Variants in PVT1 observed in about 807,000 individuals in gnomAD.
PVT1 encodes the protein CXCR4/PVT1 fusion.
At chr8:127,858,488 T>C (rs1815184989) in intron 2 of PVT1, among the ~76,000 whole-genome samples, 1 of 151,990 alleles carries the variant, frequency 6.6e-6, no homozygotes, top group Admixed American at 6.6e-5. Context: ...ATAGGTTACC[T>C]TCTGCAGAAT....
intron 4 of PVT1, among the ~76,000 whole-genome samples, chr8:128,058,543 G>A (rs761644346): frequency 7.2e-5 from 11 of 152,078 alleles, no homozygotes; most frequent in Non-Finnish European, 1.5e-4. Context: ...AGACTTCACC[G>A]TTGTTCAGAC....
At chr8:127,919,181 A>T (rs371011099) in intron 3 of PVT1, among the ~76,000 whole-genome samples, 7 of 152,030 alleles carry the variant, frequency 4.6e-5, no homozygotes, top group African/African-American at 1.7e-4. Flanking sequence ...TGGCTTGTTT[A>T]TTTTCTAATG....
chr8:127,799,160 G>A (rs2130186674), intron 2 of PVT1, among the ~76,000 whole-genome samples: 1 of 150,446 alleles, frequency 6.6e-6, no homozygotes, highest in Admixed American at 6.6e-5. Flanking sequence ...ATATTGTTTT[G>A]TTTATCTGCC....
At chr8:128,037,152 G>A (rs990973126) in intron 4 of PVT1, among the ~76,000 whole-genome samples, 3 of 152,208 alleles carry the variant, frequency 2.0e-5, no homozygotes, top group Admixed American at 6.5e-5. Flanking sequence ...CAGCACTTCT[G>A]GGGAAGTTGG....
At chr8:127,937,580 C>CACAGAGAGAG (rs59006608) in intron 3 of PVT1, among the ~76,000 whole-genome samples, 6 of 107,794 alleles carry the variant, frequency 5.6e-5, no homozygotes, top group Non-Finnish European at 1.1e-4. Flanking sequence ...CACACACACA[C>CACAGAGAGAG]AGAGAGAGAG....
chr8:128,034,072 T>C lies in PVT1; in HGVS notation n.913-36088T>C, dbSNP rs1259420953. Among the ~76,000 whole-genome samples, 2 of 151,948 alleles carry C rather than the reference T, an allele frequency of 1.3e-5. 1 individual carries two copies. The highest frequency in any genetic ancestry group is 4.1e-4 in the South Asian group (2 of 4,822). ...TCTGCACTTCTGCACCTTTTTTTTT[T>C]TTTTTGGCCCTGACCTTTGGCCTAA... On this transcript the variant is annotated intron_variant and non_coding_transcript_variant, in intron 4 of 10. Coordinates refer to ENST00000651587, the Ensembl canonical transcript of PVT1.
chr8:128,013,453 T>G (rs997054248), intron 4 of PVT1, among the ~76,000 whole-genome samples: 2 of 152,210 alleles, frequency 1.3e-5, no homozygotes, highest in Non-Finnish European at 2.9e-5. Context: ...ACTTTCTATT[T>G]CTATTATGGA....
chr8:128,050,781 A>C (rs1477241441), intron 4 of PVT1, among the ~76,000 whole-genome samples: 1 of 152,230 alleles, frequency 6.6e-6, no homozygotes, highest in African/African-American at 2.4e-5. Context: ...TTGACTTGTC[A>C]GATAAATGAA....
Position 127,881,435 on chromosome 8 carries a change from ATATTAT to A in PVT1, n.373-9128_373-9123del, listed in dbSNP as rs79735415. Among the ~76,000 whole-genome samples the A allele has an allele frequency of 4.2e-4, 42 of 100,840 alleles. No individual in the cohort carries two copies. The South Asian group carries it at 4.5e-3, about 11-fold the overall frequency. The allele number at this position is 100,840 out of a possible 152,430, so 66.2% of individuals were successfully genotyped here. On this transcript the variant is annotated intron_variant and non_coding_transcript_variant, in intron 2 of 10. Transcript: ENST00000651587. ...TATTATTATTAATATTATTGTTATT[ATATTAT>A]TATTATTATTATTATTATTATTATT...
intron 4 of PVT1, among the ~76,000 whole-genome samples, chr8:128,033,453 G>A (rs1813423069): frequency 6.6e-6 from 1 of 152,212 alleles, no homozygotes; most frequent in Admixed American, 6.5e-5. Flanking sequence ...AGCTTTAGGA[G>A]AGAGAAATTG....
At chr8:128,097,619 A>G (rs973284337) in intron 6 of PVT1, among the ~76,000 whole-genome samples, 1 of 152,160 alleles carries the variant, frequency 6.6e-6, no homozygotes, top group African/African-American at 2.4e-5. Flanking sequence ...TCAACCACAC[A>G]GACTCATTTC....
intron 2 of PVT1, chr8:127,796,200 T>C (rs1400829126): frequency 6.3e-6 from 1 of 159,024 alleles, no homozygotes; most frequent in Non-Finnish European, 1.5e-5. Flanking sequence ...TGCAGAATTT[T>C]TGCATAAACG....
chr8:128,068,045 C>G (rs191628588), intron 4 of PVT1, among the ~76,000 whole-genome samples: 1 of 151,396 alleles, frequency 6.6e-6, no homozygotes, highest in East Asian at 2.0e-4. Flanking sequence ...GAGCCATCAT[C>G]TCACCCAATT....
At chr8:127,833,926 TC>T (rs1586398977) in intron 2 of PVT1, among the ~76,000 whole-genome samples, 1 of 152,276 alleles carries the variant, frequency 6.6e-6, no homozygotes, top group East Asian at 1.9e-4. Context: ...GCTGGACCCC[TC>T]CCTAGAGACT....
chr8:128,074,716 G>A (rs564019601), intron 5 of PVT1, among the ~76,000 whole-genome samples: 16 of 152,256 alleles, frequency 1.1e-4, no homozygotes, highest in African/African-American at 3.9e-4. Flanking sequence ...CCGTTAGGAT[G>A]GCTAATTATA....
chr8:128,097,897 C>A (rs1215302753), intron 6 of PVT1, among the ~76,000 whole-genome samples: 2 of 152,120 alleles, frequency 1.3e-5, no homozygotes, highest in Admixed American at 6.5e-5. Context: ...TGCACCCCAG[C>A]CTGCCCCCAG....
chr8:127,803,829 T>A (rs1814497309), intron 2 of PVT1, among the ~76,000 whole-genome samples: 1 of 151,868 alleles, frequency 6.6e-6, no homozygotes, highest in African/African-American at 2.4e-5. Flanking sequence ...CAAGCGATTC[T>A]CCTGCCTCAG....
chr8:128,098,450 A>C (rs1173007699), intron 6 of PVT1, among the ~76,000 whole-genome samples: 1 of 151,754 alleles, frequency 6.6e-6, no homozygotes, highest in Non-Finnish European at 1.5e-5. Flanking sequence ...TCCCCTCCCC[A>C]CCCCACCATC....
At chr8:128,019,299 A>G (rs1049381035) in intron 4 of PVT1, among the ~76,000 whole-genome samples, 16 of 152,242 alleles carry the variant, frequency 1.1e-4, no homozygotes, top group African/African-American at 3.4e-4. Context: ...CTTAAAAATT[A>G]ATAATATAAA....
Sources: allele counts gnomAD v4.1 joint callset (sites outside exome capture counted in the v4.1 genomes callset), GRCh38; gene constraint gnomAD v4.1.1; transcripts MANE v1.5; gene names NCBI Gene and HGNC (gene_info 2026-07-23, HGNC 2026-07-21).